Variants in UVRAG observed in about 807,000 individuals in gnomAD.
UVRAG encodes UV radiation resistance-associated gene protein.
In UVRAG, 19 loss-of-function variants were observed where a neutral mutation model predicts 78.0. The observed-to-expected ratio is 0.24, with a 90% CI of 0.17 to 0.36. UVRAG has a LOEUF of 0.36. Among genes scored for constraint, UVRAG ranks in the 10% least tolerant of loss-of-function variants. The pLI is 1.00. For missense variants in UVRAG, 740 were observed against 853.8 expected (o/e 0.87, Z 1.66); for synonymous variants, 323 against 324.6 (o/e 1.00, Z 0.05).
At chr11:75,979,580 G>C (rs1197532386) in intron 7 of UVRAG, 2 of 156,040 alleles carry the variant, frequency 1.3e-5, no homozygotes, top group African/African-American at 4.8e-5. Flanking sequence ...GCATTGGTGG[G>C]CGCCCCTCCC....
intron 12 of UVRAG, among the ~76,000 whole-genome samples, chr11:76,045,846 C>A (rs1269931724): frequency 6.6e-6 from 1 of 151,810 alleles, no homozygotes; most frequent in African/African-American, 2.4e-5. Flanking sequence ...AGTTATCCAA[C>A]AAATAATAAT....
rs61894379 is a variant in UVRAG, at chr11:76,126,176, C to T, written c.1397+10161C>T. 9.1e-3 allele frequency among the ~76,000 whole-genome samples: 1,379 copies of T among 152,092 alleles called. 10 individuals carry two copies. Among genetic ancestry groups the T allele is most frequent in the African/African-American group, 0.021 (867 of 41,492 alleles). The stretch of plus-strand genomic sequence containing the variant: ...CAGGATGGTCTCGATCTCCTGACCT[C>T]GTGATCCACCTGCCTCGGCCTCCCA... On this transcript the variant is annotated intron_variant, in intron 14 of 14. Transcript: ENST00000356136.
chr11:76,104,054 T>A (rs1951929887), intron 13 of UVRAG, among the ~76,000 whole-genome samples: 1 of 152,152 alleles, frequency 6.6e-6, no homozygotes, highest in African/African-American at 2.4e-5. Context: ...ATATTTAGAC[T>A]GTGCGCTGCA....
At chr11:75,829,027 G>T (rs1945597312) in intron 1 of UVRAG, among the ~76,000 whole-genome samples, 1 of 151,720 alleles carries the variant, frequency 6.6e-6, no homozygotes, top group Non-Finnish European at 1.5e-5. Context: ...AGCCAGTCTG[G>T]TTATTAGATG....
At chr11:76,012,646 G>A (rs548087173) in intron 11 of UVRAG, among the ~76,000 whole-genome samples, 3 of 152,182 alleles carry the variant, frequency 2.0e-5, no homozygotes, top group South Asian at 2.1e-4. Context: ...AAACTCCACC[G>A]TAGTGCTCCA....
chr11:76,103,833 G>A (rs1456930747), intron 13 of UVRAG, among the ~76,000 whole-genome samples: 2 of 151,858 alleles, frequency 1.3e-5, no homozygotes, highest in African/African-American at 2.4e-5. Flanking sequence ...GAGGCTGTAG[G>A]GATTAACTTA....
chr11:76,106,887 A>G (rs768446991), intron 13 of UVRAG, among the ~76,000 whole-genome samples: 1 of 147,736 alleles, frequency 6.8e-6, no homozygotes, highest in African/African-American at 2.5e-5. Context: ...ACTGACTCAT[A>G]TAGCCTTTAG....
chr11:75,888,943 C>T (rs1947154561), intron 5 of UVRAG, 40 bp downstream of exon 5: 1 of 1,552,760 alleles, frequency 6.4e-7, no homozygotes, highest in African/African-American at 1.4e-5. Context: ...TTGTTTAGTG[C>T]AGGTGTGCCT....
chr11:75,963,095 C>T (rs1948938879), intron 7 of UVRAG, among the ~76,000 whole-genome samples: 2 of 152,170 alleles, frequency 1.3e-5, no homozygotes, highest in South Asian at 4.1e-4. Context: ...CCCCTCAGTA[C>T]ATTCTATCCC....
At chr11:76,066,193 C>G (rs1300000591) in intron 13 of UVRAG, among the ~76,000 whole-genome samples, 1 of 152,122 alleles carries the variant, frequency 6.6e-6, no homozygotes, top group African/African-American at 2.4e-5. Flanking sequence ...ACTTCATGGT[C>G]TCCTCACTTT....
intron 12 of UVRAG, among the ~76,000 whole-genome samples, chr11:76,060,947 C>T (rs1055433704): frequency 6.6e-6 from 1 of 152,232 alleles, no homozygotes; most frequent in Admixed American, 6.5e-5. Context: ...CTGAGGAGTG[C>T]GGGCGCATGG....
rs536321312 is a variant in UVRAG at position 75,884,596 on chromosome 11, A to G, written c.433-4233A>G. ...ATGATCCATTTTGAATTTTCTATAT[A>G]AAGTGCAAGGTTCATTGTTTTGCAG... is the stretch of plus-strand genomic sequence containing the variant. On this transcript the variant is annotated intron_variant, in intron 4 of 14. Transcript: ENST00000356136. Among the ~76,000 whole-genome samples, 7 of 152,232 alleles carry G rather than the reference A, an allele frequency of 4.6e-5. No individual in the cohort carries two copies. The South Asian group carries it at 6.2e-4, about 14-fold the overall frequency.
chr11:75,868,369 CAG>C (rs769327128), intron 3 of UVRAG, among the ~76,000 whole-genome samples: 2 of 152,096 alleles, frequency 1.3e-5, no homozygotes, highest in South Asian at 2.1e-4. Context: ...GCACATAAGA[CAG>C]AGAGACAGGT....
intron 9 of UVRAG, among the ~76,000 whole-genome samples, chr11:76,005,404 A>G (rs973215570): frequency 6.6e-6 from 1 of 152,108 alleles, no homozygotes; most frequent in African/African-American, 2.4e-5. Context: ...AATTCTCTCA[A>G]TTTGCAGATA....
chr11:76,095,286 T>A (rs946234048), intron 13 of UVRAG, among the ~76,000 whole-genome samples: 2 of 152,154 alleles, frequency 1.3e-5, no homozygotes, highest in African/African-American at 4.8e-5. Context: ...TTGTGGATTC[T>A]CAGATTGCCT....
intron 7 of UVRAG, among the ~76,000 whole-genome samples, chr11:75,964,796 C>T (rs189650309): frequency 5.9e-5 from 9 of 152,236 alleles, no homozygotes; most frequent in Admixed American, 3.9e-4. Flanking sequence ...GTATCACGTA[C>T]GTAAGGGTAA....
intron 8 of UVRAG, among the ~76,000 whole-genome samples, chr11:75,991,934 C>T (rs373448969): frequency 1.7e-4 from 26 of 151,796 alleles, no homozygotes; most frequent in Admixed American, 1.4e-3. Flanking sequence ...GAACACAAGC[C>T]GGTATTAATT....
chr11:75,873,675 A>T (rs1445999879), intron 3 of UVRAG, among the ~76,000 whole-genome samples: 1 of 152,192 alleles, frequency 6.6e-6, no homozygotes, highest in Non-Finnish European at 1.5e-5. Context: ...AGCATATGTA[A>T]GCTAGAGGAA....
intron 6 of UVRAG, among the ~76,000 whole-genome samples, chr11:75,936,589 A>G (rs551700458): frequency 7.2e-5 from 11 of 152,292 alleles, no homozygotes; most frequent in Non-Finnish European, 5.9e-5. Flanking sequence ...AATCTCTTCA[A>G]TCTGGCTTCT....
Sources: allele counts gnomAD v4.1 joint callset (sites outside exome capture counted in the v4.1 genomes callset), GRCh38; gene constraint gnomAD v4.1.1; transcripts MANE v1.5; gene names NCBI Gene and HGNC (gene_info 2026-07-23, HGNC 2026-07-21).